Variants in RARB observed in about 807,000 individuals in gnomAD.
RARB encodes the protein HBV-activated protein.
In RARB, 17 loss-of-function variants were observed where a neutral mutation model predicts 51.9. The ratio of observed to expected loss-of-function variants is 0.33; its 90% confidence interval spans 0.22 to 0.49. RARB has a LOEUF of 0.49. Ranked by LOEUF, RARB falls within the 20% of genes least tolerant of loss-of-function variation. RARB has a pLI of 0.99. For synonymous variants in RARB, 215 were observed against 195.4 expected (o/e 1.10, Z -0.84); for missense variants, 369 against 550.8 (o/e 0.67, Z 3.30).
intron 5 of RARB, among the ~76,000 whole-genome samples, chr3:25,205,910 A>T (rs533379747): frequency 2.6e-5 from 4 of 151,736 alleles, no homozygotes; most frequent in South Asian, 4.2e-4. Context: ...TGCCCAGCTA[A>T]TTTTTTTTCT....
intron 2 of RARB, among the ~76,000 whole-genome samples, chr3:24,917,407 A>G (rs1192431494): frequency 6.6e-6 from 1 of 152,260 alleles, no homozygotes; most frequent in Non-Finnish European, 1.5e-5. Context: ...CAAATAGCAT[A>G]TTTGATGAAC....
chr3:25,134,849 C>T (rs956511971), intron 4 of RARB, among the ~76,000 whole-genome samples: 1 of 151,962 alleles, frequency 6.6e-6, no homozygotes, highest in African/African-American at 2.4e-5. Context: ...TGGTCTAAAT[C>T]GTGAAACGAG....
intron 5 of RARB, among the ~76,000 whole-genome samples, chr3:25,275,035 T>C (rs1575276370): frequency 6.6e-6 from 1 of 152,300 alleles, no homozygotes; most frequent in Middle Eastern, 3.4e-3. Context: ...AATACTGTTT[T>C]TTAAAAAAGA....
At chr3:25,180,195 C>G (rs1414382909) in intron 5 of RARB, among the ~76,000 whole-genome samples, 1 of 151,964 alleles carries the variant, frequency 6.6e-6, no homozygotes, top group Non-Finnish European at 1.5e-5. Flanking sequence ...CACCTTTTTC[C>G]TAGGAAGGAC....
intron 3 of RARB, among the ~76,000 whole-genome samples, chr3:25,127,574 A>G (rs1699882471): frequency 6.6e-6 from 1 of 151,970 alleles, no homozygotes; most frequent in Non-Finnish European, 1.5e-5. Context: ...CTGGCTTCCC[A>G]CTACCACACT....
intron 2 of RARB, among the ~76,000 whole-genome samples, chr3:25,463,573 G>T (rs560250538): frequency 6.6e-6 from 1 of 151,642 alleles, no homozygotes; most frequent in South Asian, 2.1e-4. Flanking sequence ...TGAGGCAGGA[G>T]AATTGCTTGA....
intron 5 of RARB, among the ~76,000 whole-genome samples, chr3:25,373,155 A>G (rs934525406): frequency 6.6e-6 from 1 of 152,226 alleles, no homozygotes; most frequent in African/African-American, 2.4e-5. Flanking sequence ...TTAGATACAG[A>G]AGTCTAGAGT....
chr3:24,868,805 C>G (rs982842509), intron 2 of RARB, among the ~76,000 whole-genome samples: 1 of 152,166 alleles, frequency 6.6e-6, no homozygotes, highest in Non-Finnish European at 1.5e-5. Flanking sequence ...CAATTGCTAA[C>G]AGAAAATCTT....
chr3:25,139,659 A>G (rs564272719), intron 4 of RARB, among the ~76,000 whole-genome samples: 1 of 152,344 alleles, frequency 6.6e-6, no homozygotes. Context: ...CAAGTTACAC[A>G]GAAGACTAGG....
intron 5 of RARB, among the ~76,000 whole-genome samples, chr3:25,383,916 G>GT (rs1706709513): frequency 6.9e-6 from 1 of 145,270 alleles, no homozygotes; most frequent in African/African-American, 2.6e-5. Flanking sequence ...GGGGACAAGA[G>GT]TGAGACTTTG....
At chr3:25,400,805 G>A (rs1707243140) in intron 5 of RARB, among the ~76,000 whole-genome samples, 1 of 151,972 alleles carries the variant, frequency 6.6e-6, no homozygotes, top group South Asian at 2.1e-4. Flanking sequence ...ACTTCTGGCT[G>A]GGATGGAACA....
At chr3:25,488,079 A>G (rs556246987) in intron 2 of RARB, among the ~76,000 whole-genome samples, 1 of 152,186 alleles carries the variant, frequency 6.6e-6, no homozygotes, top group Non-Finnish European at 1.5e-5. Flanking sequence ...TGGCCCCACA[A>G]TTCCCCAAAG....
At chr3:25,216,326 G>A (rs1048077546) in intron 5 of RARB, among the ~76,000 whole-genome samples, 1 of 151,608 alleles carries the variant, frequency 6.6e-6, no homozygotes, top group Non-Finnish European at 1.5e-5. Flanking sequence ...ACTAAATGTT[G>A]CCTGCTTTAA....
At chr3:25,308,648 A>G (rs560760287) in intron 5 of RARB, among the ~76,000 whole-genome samples, 1 of 152,030 alleles carries the variant, frequency 6.6e-6, no homozygotes, top group East Asian at 1.9e-4. Context: ...GGGTTTCACC[A>G]TGTTGGCCAA....
In RARB at chr3:25,071,103, A is replaced by G. The variant is rs143270075; in HGVS notation, c.-328+10927A>G. ...AGGATTTAATGGGCTTCTTAAAAAT[A>G]AAACCATTTAAAAGTAAGCTTCTTG... On this transcript the variant is annotated intron_variant, in intron 3 of 11. Coordinates refer to the RARB transcript ENST00000383772. Among the ~76,000 whole-genome samples the G allele has an allele frequency of 4.6e-5, 7 of 152,354 alleles. No homozygotes were observed. The East Asian group carries it at 1.3e-3, about 29-fold the overall frequency.
chr3:25,014,072 T>G (rs923912087), intron 2 of RARB, among the ~76,000 whole-genome samples: 50 of 152,244 alleles, frequency 3.3e-4, no homozygotes, highest in African/African-American at 1.1e-3. Flanking sequence ...AACTCAAAAC[T>G]TACCTCCTTA....
intron 5 of RARB, among the ~76,000 whole-genome samples, chr3:25,400,689 A>T (rs1308690828): frequency 3.3e-5 from 5 of 152,250 alleles, no homozygotes; most frequent in Non-Finnish European, 7.4e-5. Flanking sequence ...CCTAATAGAA[A>T]TACAGTTCCT....
chr3:24,833,674 G>C (rs996681614), intron 1 of RARB, among the ~76,000 whole-genome samples: 2 of 152,206 alleles, frequency 1.3e-5, no homozygotes, highest in Admixed American at 6.5e-5. Context: ...GGAAATGACA[G>C]TACCATACTA....
At chr3:25,581,944 T>G (rs923117247) in intron 5 of RARB, among the ~76,000 whole-genome samples, 3 of 152,008 alleles carry the variant, frequency 2.0e-5, no homozygotes, top group Non-Finnish European at 2.9e-5. Flanking sequence ...TAGCCTGAAC[T>G]AAGACAGGAG....
Sources: allele counts gnomAD v4.1 joint callset (sites outside exome capture counted in the v4.1 genomes callset), GRCh38; gene constraint gnomAD v4.1.1; transcripts MANE v1.5; gene names NCBI Gene and HGNC (gene_info 2026-07-23, HGNC 2026-07-21).